ELAPOR2: variants seen among roughly 807,000 people sequenced by gnomAD.
ELAPOR2 encodes endosome/lysosome-associated apoptosis and autophagy regulator family member 2.
In ELAPOR2, 89 loss-of-function variants were observed where a neutral mutation model predicts 120.7. That is an observed-to-expected ratio of 0.74 (90% CI 0.62 to 0.88). The LOEUF is 0.88. Among genes scored for constraint, ELAPOR2 ranks in the 40% least tolerant of loss-of-function variants. ELAPOR2 has a pLI of 0.00. For missense variants in ELAPOR2, 1,134 were observed against 1,251.6 expected (o/e 0.91, Z 1.42); for synonymous variants, 444 against 444.9 (o/e 1.00, Z 0.03).
chr7:87,004,688 G>A (rs1793418898), intron 1 of ELAPOR2, among the ~76,000 whole-genome samples: 1 of 152,090 alleles, frequency 6.6e-6, no homozygotes, highest in Non-Finnish European at 1.5e-5. Flanking sequence ...ACATGCTGGT[G>A]GCTACTGGAG....
chr7:86,890,840 A>G (rs1365246603), intron 21 of ELAPOR2, among the ~76,000 whole-genome samples: 1 of 152,036 alleles, frequency 6.6e-6, no homozygotes, highest in Admixed American at 6.6e-5. Flanking sequence ...AATTCCCTAT[A>G]TTTATGTGCC....
At chr7:87,036,945 A>G (rs1794608123) in intron 1 of ELAPOR2, among the ~76,000 whole-genome samples, 1 of 152,166 alleles carries the variant, frequency 6.6e-6, no homozygotes, top group Admixed American at 6.5e-5. Flanking sequence ...AAATTAAAAT[A>G]AGAAAACACC....
chr7:86,886,888 C>A (rs1009611559), intron 21 of ELAPOR2, among the ~76,000 whole-genome samples: 11 of 152,080 alleles, frequency 7.2e-5, no homozygotes, highest in Non-Finnish European at 1.5e-4. Flanking sequence ...GAGCTGAAGC[C>A]CAGTGGTATC....
rs1793141516 is a variant in ELAPOR2 at position 86,996,851 on chromosome 7, A to G, written c.190-31827T>C. Among the ~76,000 whole-genome samples the G allele has an allele frequency of 3.3e-5, 5 of 152,300 alleles. No homozygotes were observed. The South Asian group carries it at 1.0e-3, about 32-fold the overall frequency. On this transcript the variant is annotated intron_variant, in intron 1 of 21. Transcript: ENST00000450689. The stretch of plus-strand genomic sequence containing the variant: ...ATGCCTGGCAAACACTAATCTTTTT[A>G]TCCTAGATACATTCTGAAGGTAGAA...
intron 1 of ELAPOR2, among the ~76,000 whole-genome samples, chr7:86,979,616 C>T (rs1243252082): frequency 2.0e-5 from 3 of 152,124 alleles, no homozygotes; most frequent in Admixed American, 6.6e-5. Context: ...AAAGACTTGA[C>T]ATGAGTAAAG....
chr7:86,897,442 A>G lies in ELAPOR2; in HGVS notation c.2685+64T>C, dbSNP rs771586106. 17 of 1,556,488 alleles carry G rather than the reference A, an allele frequency of 1.1e-5. No individual in the cohort carries two copies. The East Asian group carries it at 3.2e-4, about 29-fold the overall frequency. On this transcript the variant is annotated intron_variant, in intron 19 of 21. Coordinates refer to ENST00000450689, the MANE Select transcript of ELAPOR2 (RefSeq NM_001142749.3). The stretch of plus-strand genomic sequence containing the variant: ...GCCATACTTCTGGACCTGAGTTTCT[A>G]TGATTTGATGCCAGATTAACCAACT...
chr7:86,900,795 A>G (rs1788684661), intron 18 of ELAPOR2, among the ~76,000 whole-genome samples: 1 of 152,206 alleles, frequency 6.6e-6, no homozygotes, highest in African/African-American at 2.4e-5. Flanking sequence ...GTATGAACCA[A>G]TAATAATTTG....
intron 2 of ELAPOR2, among the ~76,000 whole-genome samples, chr7:86,957,155 A>G (rs527521543): frequency 6.6e-6 from 1 of 152,238 alleles, no homozygotes; most frequent in African/African-American, 2.4e-5. Flanking sequence ...ATTCATTCTA[A>G]CCTTTCAGCT....
chr7:87,052,776 C>G (rs58568921), intron 1 of ELAPOR2, among the ~76,000 whole-genome samples: 4,827 of 147,114 alleles, frequency 0.033, 248 homozygotes, highest in African/African-American at 0.12. Context: ...GGTTTGTTTT[C>G]TTTTGTTTTG....
At chr7:86,917,973 T>C (rs2116151425) in intron 12 of ELAPOR2, among the ~76,000 whole-genome samples, 1 of 152,270 alleles carries the variant, frequency 6.6e-6, no homozygotes, top group South Asian at 2.1e-4. Flanking sequence ...AGAAAAGAAA[T>C]GGGCAAAATT....
intron 12 of ELAPOR2, among the ~76,000 whole-genome samples, chr7:86,916,365 C>G (rs1789569348): frequency 6.6e-6 from 1 of 152,206 alleles, no homozygotes; most frequent in East Asian, 1.9e-4. Context: ...TCAGACAAAA[C>G]AGCAAAAGGA....
At chr7:87,008,004 G>A (rs990526550) in intron 1 of ELAPOR2, among the ~76,000 whole-genome samples, 4 of 152,044 alleles carry the variant, frequency 2.6e-5, no homozygotes, top group African/African-American at 9.7e-5. Flanking sequence ...ATGAGGACCG[G>A]GATATTTATA....
Position 86,942,068 on chromosome 7 carries a change from TG to T in ELAPOR2, c.690del (p.Thr231LeufsTer5). On this transcript the variant is annotated frameshift_variant, in exon 5 of 22. Transcript: ENST00000450689. LOFTEE classifies it high-confidence loss of function. ...QNDQCQEMDTTTDKWVKLTDN... is the reference protein window; with the variant it reads ...QNDQCQEMDTXTDKWVKLTDN... ...TCTGTAAGTTTTACCCACTTGTCAG[TG>T]GTGGTGTCCATCTCCTGGCACTGAT... 1 of 1,549,462 alleles carries T rather than the reference TG, an allele frequency of 6.5e-7. No individual in the cohort carries two copies. The highest frequency in any genetic ancestry group is 8.7e-7 in the Non-Finnish European group (1 of 1,145,184).
At chr7:86,911,573 C>T (rs1789310800) in intron 15 of ELAPOR2, 1 of 452,320 alleles carries the variant, frequency 2.2e-6, no homozygotes, top group African/African-American at 2.0e-5. Context: ...ATTAAGATTC[C>T]TCTTCTTCTC....
At chr7:86,966,378 AT>A (rs1791903025) in intron 1 of ELAPOR2, among the ~76,000 whole-genome samples, 1 of 152,134 alleles carries the variant, frequency 6.6e-6, no homozygotes, top group Non-Finnish European at 1.5e-5. Flanking sequence ...ATTTTTAAAA[AT>A]ATTCTGCTTA....
At chr7:86,985,100 C>T (rs4276612) in intron 1 of ELAPOR2, among the ~76,000 whole-genome samples, 61,585 of 151,904 alleles carry the variant, frequency 0.41, 14,021 homozygotes, top group African/African-American at 0.62. Context: ...ATTGATAAAT[C>T]CCTGGACACA....
In ELAPOR2 at chr7:87,024,870, G is replaced by A. The variant is rs577769870; in HGVS notation, c.189+34455C>T. On this transcript the variant is annotated intron_variant, in intron 1 of 21. Transcript: ENST00000450689. ...TAAACCAGGAAGAAGTTGAATCTCT[G>A]AATAGACCAATAACAGGCTCTGAAA... Among the ~76,000 whole-genome samples, 152 of 151,596 alleles carry A rather than the reference G, an allele frequency of 1.0e-3. 4 individuals are homozygous for A. The South Asian group carries it at 0.029, about 29-fold the overall frequency.
chr7:86,892,874 C>A, intron 20 of ELAPOR2, 48 bp downstream of exon 20: 1 of 1,397,224 alleles, frequency 7.2e-7, no homozygotes, highest in South Asian at 1.9e-5. Context: ...ATTTTCACAA[C>A]AAAATAGGCC....
intron 17 of ELAPOR2, among the ~76,000 whole-genome samples, chr7:86,908,181 ACACACG>A (rs1424501068): frequency 1.3e-5 from 2 of 150,424 alleles, no homozygotes; most frequent in African/African-American, 5.0e-5. Flanking sequence ...ACACACACAC[ACACACG>A]AGAAATTATA....
Sources: allele counts gnomAD v4.1 joint callset (sites outside exome capture counted in the v4.1 genomes callset), GRCh38; gene constraint gnomAD v4.1.1; transcripts MANE v1.5; gene names NCBI Gene and HGNC (gene_info 2026-07-23, HGNC 2026-07-21).